ARHGAP26: variants seen among roughly 807,000 people sequenced by gnomAD.
ARHGAP26 encodes the protein rho GTPase-activating protein 26.
ARHGAP26 carries 38 observed loss-of-function variants against 104.8 expected under a neutral mutation model. That is an observed-to-expected ratio of 0.36 (90% confidence interval 0.28 to 0.48). The LOEUF (loss-of-function observed/expected upper bound fraction) is 0.48. Ranked by LOEUF, ARHGAP26 falls within the 20% of genes least tolerant of loss-of-function variation. The pLI, the probability that ARHGAP26 is intolerant of heterozygous loss-of-function variation, is 0.99. For missense variants in ARHGAP26, 704 were observed against 947.9 expected (o/e 0.74, Z 3.38); for synonymous variants, 341 against 340.0 (o/e 1.00, Z -0.03).
At chr5:143,022,832 T>C (rs1447067903) in intron 12 of ARHGAP26, among the ~76,000 whole-genome samples, 1 of 152,216 alleles carries the variant, frequency 6.6e-6, no homozygotes, top group African/African-American at 2.4e-5. Context: ...AGGGTCATTT[T>C]TTTCCTGCAA....
chr5:143,127,133 A>G (rs145005019), intron 18 of ARHGAP26, among the ~76,000 whole-genome samples: 26 of 152,364 alleles, frequency 1.7e-4, no homozygotes, highest in African/African-American at 5.8e-4. Flanking sequence ...AAGGACAACC[A>G]TATCAAGAAA....
intron 4 of ARHGAP26, among the ~76,000 whole-genome samples, chr5:142,880,507 A>C (rs1446345106): frequency 1.6e-5 from 2 of 127,142 alleles, no homozygotes; most frequent in African/African-American, 3.6e-5. Context: ...ACAGAGCAAG[A>C]CTCCATGTCC....
chr5:142,952,414 T>C (rs80268184), intron 11 of ARHGAP26, among the ~76,000 whole-genome samples: 189 of 152,322 alleles, frequency 1.2e-3, no homozygotes, highest in African/African-American at 4.2e-3. Flanking sequence ...AGAGGTACTC[T>C]CATCTGTTTT....
At chr5:143,137,547 G>A (rs552886527) in intron 19 of ARHGAP26, among the ~76,000 whole-genome samples, 6 of 152,288 alleles carry the variant, frequency 3.9e-5, no homozygotes, top group East Asian at 3.9e-4. Flanking sequence ...ATGCACATGC[G>A]CACTCCCGCA....
At chr5:142,822,538 C>T (rs1766398488) in intron 1 of ARHGAP26, among the ~76,000 whole-genome samples, 1 of 152,010 alleles carries the variant, frequency 6.6e-6, no homozygotes, top group African/African-American at 2.4e-5. Context: ...GATACATACA[C>T]AAATACACAC....
At chr5:142,838,960 T>C (rs1281221645) in intron 1 of ARHGAP26, among the ~76,000 whole-genome samples, 2 of 152,226 alleles carry the variant, frequency 1.3e-5, no homozygotes, top group Non-Finnish European at 2.9e-5. Context: ...TAGATATGTA[T>C]ACCAGCATCT....
chr5:142,887,118 A>G (rs1757822091), intron 5 of ARHGAP26, among the ~76,000 whole-genome samples: 1 of 152,198 alleles, frequency 6.6e-6, no homozygotes, highest in Admixed American at 6.5e-5. Context: ...TAGGCATGGC[A>G]TTCTCTGGAA....
At chr5:143,027,918 A>G (rs1183931314) in intron 12 of ARHGAP26, among the ~76,000 whole-genome samples, 1 of 152,178 alleles carries the variant, frequency 6.6e-6, no homozygotes, top group Non-Finnish European at 1.5e-5. Context: ...CTGCATTTCT[A>G]CAAGTGCACT....
intron 1 of ARHGAP26, among the ~76,000 whole-genome samples, chr5:142,810,677 T>C (rs777799355): frequency 1.3e-5 from 2 of 152,176 alleles, no homozygotes; most frequent in Non-Finnish European, 2.9e-5. Flanking sequence ...GAAACTGTAG[T>C]CAATTCTGTT....
At chr5:143,089,959 C>T (rs1296095936) in intron 17 of ARHGAP26, among the ~76,000 whole-genome samples, 1 of 152,206 alleles carries the variant, frequency 6.6e-6, no homozygotes, top group Non-Finnish European at 1.5e-5. Flanking sequence ...AGTTATTCGG[C>T]AGAGTGTCCA....
chr5:143,048,317 G>A (rs957179422), intron 14 of ARHGAP26, among the ~76,000 whole-genome samples: 2 of 152,106 alleles, frequency 1.3e-5, no homozygotes, highest in African/African-American at 4.8e-5. Flanking sequence ...CTGGAATGCA[G>A]TGGCATTATA....
chr5:142,801,810 C>G (rs1762123900), intron 1 of ARHGAP26, among the ~76,000 whole-genome samples: 1 of 152,114 alleles, frequency 6.6e-6, no homozygotes, highest in South Asian at 2.1e-4. Context: ...GTTAGAGAAG[C>G]CCACAGCCCT....
chr5:142,997,183 C>T (rs1273265945), intron 11 of ARHGAP26, among the ~76,000 whole-genome samples: 1 of 152,058 alleles, frequency 6.6e-6, no homozygotes, highest in African/African-American at 2.4e-5. Flanking sequence ...TATATATCCT[C>T]ATTATTCATG....
chr5:142,841,663 G>A (rs1770833501), intron 1 of ARHGAP26, among the ~76,000 whole-genome samples: 1 of 152,214 alleles, frequency 6.6e-6, no homozygotes, highest in Admixed American at 6.5e-5. Flanking sequence ...GGGAGCAGGA[G>A]ATGTCAGAGG....
Sources: gnomAD v4.1 joint callset for allele counts (sites outside exome capture counted in the v4.1 genomes callset) on GRCh38, gnomAD v4.1.1 for gene constraint, MANE v1.5 for transcripts, NCBI Gene and HGNC (gene_info 2026-07-23, HGNC 2026-07-21) for gene names.